Variants in HDAC9 observed in about 807,000 individuals in gnomAD.
The protein encoded by HDAC9 is histone deacetylase 9.
HDAC9 carries 41 observed loss-of-function variants against 139.4 expected under a neutral mutation model. The observed-to-expected ratio is 0.29, with a 90% CI of 0.23 to 0.38. The LOEUF is 0.38. Ranked by LOEUF, HDAC9 falls within the 10% of genes least tolerant of loss-of-function variation. The probability of loss-of-function intolerance (pLI) is 1.00; values close to 1 mark genes in which losing one functional copy is unlikely to be tolerated. For missense variants in HDAC9, 1,147 were observed against 1,297.0 expected, an observed-to-expected ratio of 0.88 and a Z score of 1.78; for synonymous variants, 517 against 476.2, an observed-to-expected ratio of 1.09 and a Z score of -1.12.
At chr7:18,281,273 T>C (rs1173275809) in intron 2 of HDAC9, among the ~76,000 whole-genome samples, 1 of 152,224 alleles carries the variant, frequency 6.6e-6, no homozygotes, top group African/African-American at 2.4e-5. Context: ...TATCGTGGTA[T>C]TAGTGAGCAT....
At chr7:18,958,601 C>T (rs1360705652) in intron 24 of HDAC9, among the ~76,000 whole-genome samples, 1 of 152,154 alleles carries the variant, frequency 6.6e-6, no homozygotes, top group African/African-American at 2.4e-5. Context: ...ATTATTTCTG[C>T]TGTGTTCCTG....
chr7:18,795,064 AT>A (rs1226338247), intron 17 of HDAC9, among the ~76,000 whole-genome samples: 2 of 152,068 alleles, frequency 1.3e-5, no homozygotes, highest in African/African-American at 4.8e-5. Flanking sequence ...TAAAAACATA[AT>A]TCCATGTTTA....
chr7:18,406,625 G>A (rs574829558), intron 1 of HDAC9, among the ~76,000 whole-genome samples: 8 of 152,116 alleles, frequency 5.3e-5, no homozygotes, highest in Non-Finnish European at 8.8e-5. Flanking sequence ...TCCTGACCTC[G>A]TGATCCACCC....
chr7:18,682,060 G>T lies in HDAC9; in HGVS notation c.1731+15584G>T, dbSNP rs149405626. 8.8e-4 allele frequency among the ~76,000 whole-genome samples: 134 copies of T among 152,114 alleles called. 1 individual carries two copies. Among genetic ancestry groups the T allele is most frequent in the African/African-American group, 3.1e-3 (130 of 41,528 alleles). On this transcript the variant is annotated intron_variant, in intron 12 of 25. Coordinates refer to ENST00000686413, the MANE Select transcript of HDAC9 (RefSeq NM_178425.4). The stretch of plus-strand genomic sequence containing the variant: ...GTTAAATTTATTAAGAAAAGGAAAT[G>T]AAAACCTAAAAATTTAAATTCTCTT...
chr7:18,149,905 C>T (rs1410164622), intron 1 of HDAC9, among the ~76,000 whole-genome samples: 2 of 151,988 alleles, frequency 1.3e-5, no homozygotes, highest in African/African-American at 4.8e-5. Flanking sequence ...TATTTTTGCC[C>T]AGGCTGATCT....
At chr7:18,919,180 T>C (rs1803469475) in intron 22 of HDAC9, among the ~76,000 whole-genome samples, 1 of 152,094 alleles carries the variant, frequency 6.6e-6, no homozygotes, top group South Asian at 2.1e-4. Flanking sequence ...TTATGTATCA[T>C]TTTGCAAATT....
chr7:18,998,508 G>A lies in HDAC9; in HGVS notation c.*2446G>A, dbSNP rs1563121884. 6.6e-6 allele frequency: 1 copy of A among 152,234 alleles called. No homozygotes were observed. Among genetic ancestry groups the A allele is most frequent in the Admixed American group, 6.5e-5 (1 of 15,278 alleles). The allele number at this position is 152,234 out of a possible 1,614,324, so 9.4% of individuals were successfully genotyped here. A position where few individuals can be genotyped will look rare whatever the true frequency, so the allele number is the denominator to read the frequency against. ...CTGTGGAGAGGATTATCCACAGCAT[G>A]TAGTTGTAAGAACAGAATGCCATTG... is the stretch of plus-strand genomic sequence containing the variant. On this transcript the variant is annotated 3_prime_UTR_variant, in exon 26 of 26. Transcript: ENST00000686413.
intron 14 of HDAC9, among the ~76,000 whole-genome samples, chr7:18,759,196 C>A (rs1306647143): frequency 6.6e-6 from 1 of 152,082 alleles, no homozygotes; most frequent in Admixed American, 6.6e-5. Flanking sequence ...ATGACCGATT[C>A]AGCAGGTTTC....
rs375472164 is a variant in HDAC9 at position 18,932,507 on chromosome 7, G to T, written c.2804-3302G>T. On this transcript the variant is annotated intron_variant, in intron 22 of 25. Coordinates refer to ENST00000686413, the MANE Select transcript of HDAC9 (RefSeq NM_178425.4). Reference sequence around the variant, plus strand: ...ATCCTGAAGTTGTTGACTACCCTGGGGGCATCTATACCAAAATCTCCAATC... The same window carrying T: ...ATCCTGAAGTTGTTGACTACCCTGGTGGCATCTATACCAAAATCTCCAATC... 2.6e-5 allele frequency among the ~76,000 whole-genome samples: 4 copies of T among 152,152 alleles called. No individual in the cohort carries two copies. The East Asian group carries it at 7.7e-4, about 29-fold the overall frequency.
chr7:18,658,301 A>G (rs1333189422), intron 11 of HDAC9, among the ~76,000 whole-genome samples: 2 of 152,172 alleles, frequency 1.3e-5, no homozygotes, highest in Non-Finnish European at 2.9e-5. Context: ...GGAAGAATGA[A>G]AAAATGGGTG....
chr7:18,547,212 C>T (rs1233475697), intron 2 of HDAC9, among the ~76,000 whole-genome samples: 2 of 152,128 alleles, frequency 1.3e-5, no homozygotes, highest in African/African-American at 4.8e-5. Flanking sequence ...GTGGTGGTTG[C>T]TGAAGGATAG....
intron 22 of HDAC9, among the ~76,000 whole-genome samples, chr7:18,876,009 C>T (rs957867454): frequency 2.0e-5 from 3 of 152,122 alleles, no homozygotes; most frequent in African/African-American, 7.2e-5. Context: ...TAGTCTTTCT[C>T]CTTGCCACAG....
chr7:18,438,147 A>C (rs1360609969), intron 1 of HDAC9, among the ~76,000 whole-genome samples: 1 of 151,644 alleles, frequency 6.6e-6, no homozygotes, highest in Non-Finnish European at 1.5e-5. Context: ...AGTTCTCACA[A>C]ATCAAACTGA....
chr7:18,293,695 A>G (rs990307476), intron 1 of HDAC9, among the ~76,000 whole-genome samples: 7 of 152,084 alleles, frequency 4.6e-5, no homozygotes, highest in Non-Finnish European at 7.4e-5. Flanking sequence ...TTTGTCTGTC[A>G]TTAGAGACAG....
chr7:18,693,275 A>G (rs922957699), intron 12 of HDAC9, among the ~76,000 whole-genome samples: 4 of 152,076 alleles, frequency 2.6e-5, no homozygotes, highest in Non-Finnish European at 5.9e-5. Flanking sequence ...TATTTAGCCT[A>G]TTGCAATGTT....
intron 1 of HDAC9, among the ~76,000 whole-genome samples, chr7:18,363,679 G>T (rs1278122330): frequency 6.6e-6 from 1 of 152,136 alleles, no homozygotes; most frequent in Non-Finnish European, 1.5e-5. Context: ...CCTCAGAAGT[G>T]CAGTGTTATA....
intron 16 of HDAC9, among the ~76,000 whole-genome samples, chr7:18,785,948 C>T (rs60669784): frequency 2.4e-4 from 37 of 151,906 alleles, no homozygotes; most frequent in African/African-American, 8.4e-4. Context: ...AGTAAATACT[C>T]AATAATTGCT....
chr7:18,941,445 G>T (rs186490270), intron 23 of HDAC9, among the ~76,000 whole-genome samples: 1 of 152,242 alleles, frequency 6.6e-6, no homozygotes, highest in East Asian at 1.9e-4. Context: ...AACCACCCCT[G>T]AGGTGAACTC....
chr7:18,487,190 A>G (rs1477462376), intron 1 of HDAC9, among the ~76,000 whole-genome samples: 1 of 152,104 alleles, frequency 6.6e-6, no homozygotes, highest in Non-Finnish European at 1.5e-5. Flanking sequence ...ATAAAGGGAA[A>G]GAAAAATATC....
Sources: allele counts gnomAD v4.1 joint callset (sites outside exome capture counted in the v4.1 genomes callset), GRCh38; gene constraint gnomAD v4.1.1; transcripts MANE v1.5; gene names NCBI Gene and HGNC (gene_info 2026-07-23, HGNC 2026-07-21).